Variants in TPRG1 observed in about 807,000 individuals in gnomAD.
TPRG1 encodes tumor protein p63-regulated gene 1 protein.
In TPRG1, 29 loss-of-function variants were observed where a neutral mutation model predicts 29.3. The ratio of observed to expected loss-of-function variants is 0.99; its 90% confidence interval spans 0.74 to 1.35. TPRG1 has a LOEUF of 1.35. Ranked by LOEUF, TPRG1 falls within the 40% of genes most tolerant of loss-of-function variation. The pLI, the probability that TPRG1 is intolerant of heterozygous loss-of-function variation, is 0.00. For missense variants in TPRG1, 327 were observed against 335.0 expected (o/e 0.98, Z 0.19); for synonymous variants, 130 against 116.8 (o/e 1.11, Z -0.73).
chr3:188,998,112 T>C (rs1420829796), intron 1 of TPRG1, among the ~76,000 whole-genome samples: 3 of 151,644 alleles, frequency 2.0e-5, no homozygotes, highest in South Asian at 4.2e-4. Context: ...AAAAGAAGTG[T>C]TCTTGCTGCC....
At chr3:189,265,232 T>A (rs1713853253) in intron 4 of TPRG1, among the ~76,000 whole-genome samples, 1 of 152,160 alleles carries the variant, frequency 6.6e-6, no homozygotes, top group Admixed American at 6.5e-5. Flanking sequence ...GTTGTGGAAC[T>A]GGTAGTAAAG....
rs1270652467 is a variant in TPRG1, at chr3:189,323,692, T to C, written c.*2872T>C. 6.6e-6 allele frequency: 1 copy of C among 152,176 alleles called. No individual in the cohort carries two copies. The highest frequency in any genetic ancestry group is 1.9e-4 in the East Asian group (1 of 5,190). The allele number at this position is 152,176 out of a possible 1,614,324, so 9.4% of individuals were successfully genotyped here. On this transcript the variant is annotated 3_prime_UTR_variant, in exon 6 of 6. Transcript: ENST00000345063. ...GACCTATGTGTACACTTGGAGTTTT[T>C]ATCAGACTATCATTTGAACTTACCA...
chr3:189,161,046 G>T (rs999870910), intron 5 of TPRG1, among the ~76,000 whole-genome samples: 3 of 152,204 alleles, frequency 2.0e-5, no homozygotes, highest in African/African-American at 7.2e-5. Flanking sequence ...TTCCTTCCTT[G>T]TGATAAGATT....
chr3:189,121,883 G>A (rs1721856981), intron 1 of TPRG1: 1 of 152,162 alleles, frequency 6.6e-6, no homozygotes, highest in Non-Finnish European at 1.5e-5. Flanking sequence ...AATTGGACAT[G>A]TTATGTTGAA....
chr3:189,110,070 A>G (rs550962340), intron 1 of TPRG1, among the ~76,000 whole-genome samples: 2 of 152,334 alleles, frequency 1.3e-5, no homozygotes, highest in East Asian at 3.9e-4. Context: ...TAAAGCTGCT[A>G]TAAACATTAG....
chr3:189,121,154 G>A (rs1264098634), intron 1 of TPRG1: 1 of 152,168 alleles, frequency 6.6e-6, no homozygotes, highest in Non-Finnish European at 1.5e-5. Flanking sequence ...TTGTCAGTTA[G>A]GTAGATAAAC....
chr3:189,230,498 C>G (rs772659701), intron 3 of TPRG1, among the ~76,000 whole-genome samples: 5 of 152,226 alleles, frequency 3.3e-5, no homozygotes, highest in Non-Finnish European at 5.9e-5. Context: ...CCTCCACTCT[C>G]TTTGCTCTCT....
intron 3 of TPRG1, among the ~76,000 whole-genome samples, chr3:189,022,149 GT>G (rs992606882): frequency 1.2e-4 from 18 of 152,060 alleles, no homozygotes; most frequent in Non-Finnish European, 2.4e-4. Flanking sequence ...TTTTTTCAAA[GT>G]TTTCATCTTC....
At chr3:189,140,949 G>T (rs1162528614) in intron 3 of TPRG1, among the ~76,000 whole-genome samples, 1 of 152,120 alleles carries the variant, frequency 6.6e-6, no homozygotes, top group Non-Finnish European at 1.5e-5. Context: ...CTGCAAACCA[G>T]GTCCTACCTG....
At chr3:189,087,534 G>A (rs1334043627) in intron 4 of TPRG1, among the ~76,000 whole-genome samples, 1 of 152,140 alleles carries the variant, frequency 6.6e-6, no homozygotes, top group African/African-American at 2.4e-5. Flanking sequence ...GTCAATTTTA[G>A]CTTTTGTTGC....
At chr3:189,284,200 CT>C (rs72114782) in intron 4 of TPRG1, among the ~76,000 whole-genome samples, 106,408 of 146,308 alleles carry the variant, frequency 0.73, 38,663 homozygotes, top group African/African-American at 0.79. Flanking sequence ...CTCACTTTTA[CT>C]TTTTTTTTTT....
exon 5 of TPRG1, chr3:189,150,723 GGTCACATT>G (rs1280363936): frequency 2.0e-5 from 3 of 152,166 alleles, no homozygotes; most frequent in African/African-American, 7.2e-5. Flanking sequence ...GAGGCCAGAT[GGTCACATT>G]GATTTTCTGG....
chr3:189,073,366 A>G (rs1450438038), intron 4 of TPRG1, among the ~76,000 whole-genome samples: 1 of 152,164 alleles, frequency 6.6e-6, no homozygotes, highest in Non-Finnish European at 1.5e-5. Flanking sequence ...AAGTTCTTTC[A>G]GTGTTATTAC....
At chr3:189,107,232 CACTT>C (rs1719933409) in intron 1 of TPRG1, among the ~76,000 whole-genome samples, 4 of 152,044 alleles carry the variant, frequency 2.6e-5, no homozygotes, top group Admixed American at 2.6e-4. Context: ...GGGGAGATCT[CACTT>C]AATCCCATTT....
chr3:189,254,504 G>A (rs1191863607), intron 4 of TPRG1, among the ~76,000 whole-genome samples: 1 of 152,146 alleles, frequency 6.6e-6, no homozygotes, highest in Non-Finnish European at 1.5e-5. Flanking sequence ...GGCTATATGG[G>A]CTCATCTTTG....
intron 1 of TPRG1, among the ~76,000 whole-genome samples, chr3:189,184,312 G>T (rs1313161458): frequency 6.6e-6 from 1 of 152,170 alleles, no homozygotes; most frequent in Non-Finnish European, 1.5e-5. Flanking sequence ...CATGTGCATA[G>T]CACATGCAAG....
At chr3:189,258,877 C>T (rs546802611) in intron 4 of TPRG1, among the ~76,000 whole-genome samples, 24 of 152,262 alleles carry the variant, frequency 1.6e-4, no homozygotes, top group Non-Finnish European at 2.2e-4. Flanking sequence ...TGTCCCAGGT[C>T]GACTTCAGAC....
chr3:189,307,016 C>T (rs1399232868), intron 4 of TPRG1, among the ~76,000 whole-genome samples: 1 of 152,116 alleles, frequency 6.6e-6, no homozygotes, highest in Admixed American at 6.6e-5. Flanking sequence ...GTGAGAAAGA[C>T]CCAGTCTTCT....
At chr3:189,230,385 G>C (rs1738449882) in intron 3 of TPRG1, among the ~76,000 whole-genome samples, 1 of 152,054 alleles carries the variant, frequency 6.6e-6, no homozygotes, top group South Asian at 2.1e-4. Context: ...TGTTCCATCT[G>C]TAAAGTGGGG....
Sources: gnomAD v4.1 joint callset for allele counts (sites outside exome capture counted in the v4.1 genomes callset) on GRCh38, gnomAD v4.1.1 for gene constraint, MANE v1.5 for transcripts, NCBI Gene and HGNC (gene_info 2026-07-23, HGNC 2026-07-21) for gene names.